Variants in SORCS1 observed in about 807,000 individuals in gnomAD.
SORCS1 encodes VPS10 domain-containing receptor SorCS1.
SORCS1 carries 60 observed loss-of-function variants against 146.1 expected under a neutral mutation model. The ratio of observed to expected loss-of-function variants is 0.41; its 90% confidence interval spans 0.33 to 0.51. SORCS1 has a LOEUF of 0.51. Among genes scored for constraint, SORCS1 ranks in the 20% least tolerant of loss-of-function variants. The pLI, the probability that SORCS1 is intolerant of heterozygous loss-of-function variation, is 0.21. For synonymous variants in SORCS1, 637 were observed against 584.0 expected (o/e 1.09, Z -1.31); for missense variants, 1,352 against 1,487.6 (o/e 0.91, Z 1.50).
At chr10:106,822,424 C>T (rs1948083814) in intron 3 of SORCS1, among the ~76,000 whole-genome samples, 1 of 152,232 alleles carries the variant, frequency 6.6e-6, no homozygotes, top group Middle Eastern at 3.4e-3. Context: ...GTGGAGTGGG[C>T]ACTGCTCCTG....
At chr10:106,976,734 C>T (rs907741537) in intron 1 of SORCS1, among the ~76,000 whole-genome samples, 2 of 152,256 alleles carry the variant, frequency 1.3e-5, no homozygotes, top group African/African-American at 2.4e-5. Flanking sequence ...TGTTGTTCCC[C>T]TCCCTGTGTC....
chr10:107,101,844 A>C (rs1964946478), intron 1 of SORCS1, among the ~76,000 whole-genome samples: 1 of 152,016 alleles, frequency 6.6e-6, no homozygotes, highest in Admixed American at 6.6e-5. Context: ...GTCTTTAAGT[A>C]TGACATTTTC....
In SORCS1 at chr10:106,944,874, C is replaced by CTTTTTTTTTTT. The variant is rs765355110; in HGVS notation, c.626+11628_626+11638dup. On this transcript the variant is annotated intron_variant, in intron 2 of 25. Coordinates refer to ENST00000263054, the MANE Select transcript of SORCS1 (RefSeq NM_052918.5). ...GTAGAAAGAAGCAAGAAAGAGCCTT[C>CTTTTTTTTTTT]TTTTTTTTTTTTTTTTTTTTTTTTT... Among the ~76,000 whole-genome samples the CTTTTTTTTTTT allele has an allele frequency of 1.9e-3, 70 of 36,610 alleles. 13 individuals carry two copies. Among genetic ancestry groups the CTTTTTTTTTTT allele is most frequent in the East Asian group, 3.0e-3 (3 of 996 alleles). The allele number at this position is 36,610 out of a possible 152,430, so 24.0% of individuals were successfully genotyped here.
At chr10:106,923,154 G>A (rs915804718) in intron 2 of SORCS1, among the ~76,000 whole-genome samples, 1 of 152,206 alleles carries the variant, frequency 6.6e-6, no homozygotes, top group East Asian at 1.9e-4. Context: ...ATCCCAAAGT[G>A]CTGGGATTAC....
At chr10:106,606,377 T>C (rs897760116) in intron 23 of SORCS1, among the ~76,000 whole-genome samples, 1 of 151,600 alleles carries the variant, frequency 6.6e-6, no homozygotes, top group Non-Finnish European at 1.5e-5. Context: ...CACAGGGCAG[T>C]AGAGTTGCTC....
At chr10:106,877,904 G>A (rs1017238339) in intron 2 of SORCS1, among the ~76,000 whole-genome samples, 48 of 152,142 alleles carry the variant, frequency 3.2e-4, no homozygotes, top group African/African-American at 1.1e-3. Flanking sequence ...TTCAGAGGGT[G>A]GAAACAACTC....
intron 4 of SORCS1, among the ~76,000 whole-genome samples, chr10:106,776,229 C>T (rs1860422830): frequency 6.6e-6 from 1 of 152,208 alleles, no homozygotes; most frequent in African/African-American, 2.4e-5. Flanking sequence ...ACATAAGACA[C>T]TGTCTCCAAT....
intron 1 of SORCS1, among the ~76,000 whole-genome samples, chr10:107,132,252 T>C (rs376481128): frequency 2.0e-5 from 3 of 151,756 alleles, no homozygotes; most frequent in African/African-American, 7.3e-5. Context: ...TTTATTCCTA[T>C]ACCCAAGCTT....
rs1164557503 is a variant in SORCS1 at position 106,730,731 on chromosome 10, TATTTTGTGTA to T, written c.960-627_960-618del. ...TTTAAAATGCCTTGGAGACACATAT[TATTTTGTGTA>T]ATCCTGCAGTAAGCTATATTAAATA... is the stretch of plus-strand genomic sequence containing the variant. On this transcript the variant is annotated intron_variant, in intron 5 of 25. Transcript: ENST00000263054. Among the ~76,000 whole-genome samples the T allele has an allele frequency of 3.9e-5, 6 of 152,318 alleles. No homozygotes were observed. In the East Asian group the frequency reaches 9.6e-4, roughly 24 times the overall value.
At chr10:107,136,130 G>A (rs888984165) in intron 1 of SORCS1, among the ~76,000 whole-genome samples, 1 of 152,072 alleles carries the variant, frequency 6.6e-6, no homozygotes, top group Non-Finnish European at 1.5e-5. Context: ...AAAAAAAATT[G>A]GGGAAGAAAA....
intron 5 of SORCS1, among the ~76,000 whole-genome samples, chr10:106,733,291 C>G (rs765508144): frequency 1.4e-4 from 21 of 152,124 alleles, no homozygotes; most frequent in Non-Finnish European, 2.6e-4. Context: ...ATATGAAAGT[C>G]AAACCACAGT....
chr10:106,912,938 C>T (rs1285959265), intron 2 of SORCS1, among the ~76,000 whole-genome samples: 1 of 152,138 alleles, frequency 6.6e-6, no homozygotes, highest in Non-Finnish European at 1.5e-5. Context: ...CCTCAGCCTC[C>T]CAAAGTGCTG....
intron 1 of SORCS1, among the ~76,000 whole-genome samples, chr10:106,998,334 G>A (rs575026876): frequency 6.6e-6 from 1 of 152,122 alleles, no homozygotes; most frequent in African/African-American, 2.4e-5. Flanking sequence ...GAACTACTAG[G>A]GTCATTCACG....
Position 106,621,506 on chromosome 10 carries a change from TTTTCTACTAG to T in SORCS1, c.2663-955_2663-946del, listed in dbSNP as rs1268092461. On this transcript the variant is annotated intron_variant, in intron 19 of 25. Coordinates refer to ENST00000263054, the MANE Select transcript of SORCS1 (RefSeq NM_052918.5). Reference sequence around the variant, plus strand: ...TGAGACTTTTTCACTCTCTACAGACTTTTCTACTAGGCAACACCATCCACACCTTAACCTT... The same window carrying T: ...TGAGACTTTTTCACTCTCTACAGACTGCAACACCATCCACACCTTAACCTT... Among the ~76,000 whole-genome samples the T allele has an allele frequency of 8.6e-5, 13 of 151,788 alleles. No individual in the cohort carries two copies. In the East Asian group the frequency reaches 2.6e-3, roughly 30 times the overall value.
intron 1 of SORCS1, among the ~76,000 whole-genome samples, chr10:107,154,308 G>A (rs603355): frequency 0.028 from 4,326 of 152,076 alleles, 217 homozygotes; most frequent in African/African-American, 0.099. Context: ...TGGCCTCCAG[G>A]TATATTTCTA....
At chr10:106,823,037 CCTCT>C (rs1479731740) in intron 3 of SORCS1, among the ~76,000 whole-genome samples, 1 of 151,982 alleles carries the variant, frequency 6.6e-6, no homozygotes, top group Non-Finnish European at 1.5e-5. Flanking sequence ...CCCACCTCGG[CCTCT>C]CAAAGTGGTG....
At chr10:107,113,604 C>T (rs777716943) in intron 1 of SORCS1, among the ~76,000 whole-genome samples, 9 of 150,202 alleles carry the variant, frequency 6.0e-5, no homozygotes, top group South Asian at 2.1e-4. Flanking sequence ...GCAGGAGAAT[C>T]GCTTGAACCC....
intron 2 of SORCS1, among the ~76,000 whole-genome samples, chr10:106,867,094 C>A (rs201908800): frequency 6.6e-6 from 1 of 152,018 alleles, no homozygotes; most frequent in Non-Finnish European, 1.5e-5. Context: ...AGAATCTCTG[C>A]AAGATTCTAC....
chr10:106,618,287 G>A lies in SORCS1; in HGVS notation c.2797-15C>T, dbSNP rs769373592. 6 of 1,612,774 alleles carry A rather than the reference G, an allele frequency of 3.7e-6. No homozygotes were observed. The South Asian group carries it at 5.5e-5, about 15-fold the overall frequency. ...GTGATCAAAGGCTAAAATAAACAAG[G>A]GCCCAGAGTGAAGGGAAAGCTCTTT... On this transcript the variant is annotated splice_polypyrimidine_tract_variant and intron_variant, in intron 20 of 25. Coordinates refer to ENST00000263054, the MANE Select transcript of SORCS1 (RefSeq NM_052918.5).
Sources: gnomAD v4.1 joint callset for allele counts (sites outside exome capture counted in the v4.1 genomes callset) on GRCh38, gnomAD v4.1.1 for gene constraint, MANE v1.5 for transcripts, NCBI Gene and HGNC (gene_info 2026-07-23, HGNC 2026-07-21) for gene names.